The following RASGEF1C variants were observed in gnomAD, a reference collection of about 807,000 sequenced individuals.
RASGEF1C encodes the protein ras-GEF domain-containing family member 1C.
Under a neutral mutation model 58.1 loss-of-function variants are expected in RASGEF1C, and 27 were observed. That is an observed-to-expected ratio of 0.46 (90% confidence interval 0.34 to 0.64). The LOEUF is 0.64. Ranked by LOEUF, RASGEF1C falls within the 30% of genes least tolerant of loss-of-function variation. The pLI is 0.01. For missense variants in RASGEF1C, 502 were observed against 605.1 expected, an observed-to-expected ratio of 0.83 and a Z score of 1.79; for synonymous variants, 243 against 246.3, an observed-to-expected ratio of 0.99 and a Z score of 0.13.
intron 12 of RASGEF1C, among the ~76,000 whole-genome samples, chr5:180,107,459 A>C (rs770058673): frequency 2.6e-5 from 4 of 152,134 alleles, no homozygotes; most frequent in Non-Finnish European, 5.9e-5. Context: ...CTGGCTTGAC[A>C]GTTCTTTTGG....
At chr5:180,145,161 C>A (rs866974434) in intron 1 of RASGEF1C, among the ~76,000 whole-genome samples, 3 of 152,252 alleles carry the variant, frequency 2.0e-5, no homozygotes, top group Middle Eastern at 6.8e-3. Flanking sequence ...CACTCTGTCA[C>A]CCAGGCTGGA....
intron 3 of RASGEF1C, among the ~76,000 whole-genome samples, chr5:180,136,962 C>T (rs1766490580): frequency 6.6e-6 from 1 of 152,162 alleles, no homozygotes; most frequent in South Asian, 2.1e-4. Flanking sequence ...GAGGCTTCCA[C>T]GTGACCGGAA....
At position 180,116,497 on chromosome 5, in the gene RASGEF1C, TG is replaced by T. The variant is rs1288256251; in HGVS notation, c.1084-1957del. Among the ~76,000 whole-genome samples, 4 of 152,124 alleles carry T rather than the reference TG, an allele frequency of 2.6e-5. No individual in the cohort carries two copies. The East Asian group carries it at 7.8e-4, about 30-fold the overall frequency. ...CCCTCTCCATCCATAAAGCAGCTTT[TG>T]TGGGCCTAGCCCAAGACCCGCCTCT... On this transcript the variant is annotated intron_variant, in intron 10 of 13. Coordinates refer to ENST00000361132, the MANE Select transcript of RASGEF1C (RefSeq NM_175062.4).
chr5:180,124,819 C>T (rs558784926), intron 6 of RASGEF1C, among the ~76,000 whole-genome samples: 9 of 151,242 alleles, frequency 6.0e-5, no homozygotes, highest in Middle Eastern at 3.5e-3. Context: ...TGCAAAACTC[C>T]GTCTCAAACA....
chr5:180,162,493 G>T (rs1330271093), intron 1 of RASGEF1C, among the ~76,000 whole-genome samples: 1 of 152,244 alleles, frequency 6.6e-6, no homozygotes, highest in Non-Finnish European at 1.5e-5. Context: ...AGGCAGCCAT[G>T]TGGGGCAGAC....
chr5:180,148,188 A>G (rs377558610), intron 1 of RASGEF1C, among the ~76,000 whole-genome samples: 25 of 152,228 alleles, frequency 1.6e-4, no homozygotes, highest in Non-Finnish European at 3.5e-4. Flanking sequence ...TACTGTTTAC[A>G]TGGAGTATCT....
rs1451747958 is a variant in RASGEF1C, at chr5:180,118,678, G to A, written c.1014C>T (p.Phe338=). The A allele has an allele frequency of 6.2e-7, 1 of 1,614,082 alleles. No homozygotes were observed. The highest frequency in any genetic ancestry group is 8.5e-7 in the Non-Finnish European group (1 of 1,180,028). Residue 338 remains phenylalanine (F), a synonymous_variant, in exon 10 of 14, where the codon TTC becomes TTT. Transcript: ENST00000361132. ...LEHQMDPTGN[F]CNYRTALRGA... ...CGCGCAGGGCTGTCCTGTAGTTGCAGAAATTCCCCGTTGGGTCCATCTGGT... is the reference window on the plus strand; with the variant it reads ...CGCGCAGGGCTGTCCTGTAGTTGCAAAAATTCCCCGTTGGGTCCATCTGGT...
chr5:180,194,002 G>GTGTT (rs60364777), intron 1 of RASGEF1C, among the ~76,000 whole-genome samples: 52,352 of 148,606 alleles, frequency 0.35, 9,910 homozygotes, highest in South Asian at 0.45. Context: ...ATTCTGTATG[G>GTGTT]TGTTTGTTTG....
chr5:180,170,966 G>A (rs1172327514), intron 1 of RASGEF1C, among the ~76,000 whole-genome samples: 1 of 152,202 alleles, frequency 6.6e-6, no homozygotes, highest in Non-Finnish European at 1.5e-5. Flanking sequence ...AGGAGGGGCT[G>A]TCAGCGCTGC....
At chr5:180,175,943 A>G (rs1162008705) in intron 1 of RASGEF1C, among the ~76,000 whole-genome samples, 2 of 152,322 alleles carry the variant, frequency 1.3e-5, no homozygotes, top group South Asian at 2.1e-4. Context: ...AGCGGAGATC[A>G]CGCCACTGCA....
At position 180,193,217 on chromosome 5, in the gene RASGEF1C, G is replaced by A. The variant is rs1441834253; in HGVS notation, c.-7+15811C>T. 2.3e-4 allele frequency among the ~76,000 whole-genome samples: 28 copies of A among 121,854 alleles called. 2 individuals carry two copies. Among genetic ancestry groups the A allele is most frequent in the Admixed American group, 2.2e-3 (25 of 11,518 alleles). The allele number at this position is 121,854 out of a possible 152,430, so 79.9% of individuals were successfully genotyped here. On this transcript the variant is annotated intron_variant, in intron 1 of 13. Transcript: ENST00000361132. ...ACTACAGGTGCCCGCCACCGCACCCGGCTAATTTCTTGTATTTTTAGTAGA... is the reference window on the plus strand; with the variant it reads ...ACTACAGGTGCCCGCCACCGCACCCAGCTAATTTCTTGTATTTTTAGTAGA...
At chr5:180,114,347 G>C in intron 11 of RASGEF1C, 99 bp downstream of exon 11, 1 of 1,164,196 alleles carries the variant, frequency 8.6e-7, no homozygotes, top group Non-Finnish European at 1.2e-6. Flanking sequence ...TTCTGCCCCA[G>C]GGTCCCCCAT....
chr5:180,182,432 G>T (rs933624021), intron 1 of RASGEF1C, among the ~76,000 whole-genome samples: 1 of 152,156 alleles, frequency 6.6e-6, no homozygotes, highest in African/African-American at 2.4e-5. Context: ...AAGACCAAAA[G>T]AACTCAGCTT....
chr5:180,203,364 C>G (rs1191719027), intron 1 of RASGEF1C, among the ~76,000 whole-genome samples: 1 of 152,218 alleles, frequency 6.6e-6, no homozygotes, highest in Non-Finnish European at 1.5e-5. Context: ...GCTGGGGAAG[C>G]CCATGTGACA....
Position 180,102,005 on chromosome 5 carries a change from G to A in RASGEF1C, c.1376+66C>T, listed in dbSNP as rs917257521. The A allele has an allele frequency of 2.1e-4, 170 of 819,174 alleles. 1 individual carries two copies. The highest frequency in any genetic ancestry group is 1.5e-3 in the South Asian group (113 of 75,456). 50.7% of individuals were successfully genotyped at this position (819,174 alleles called of 1,614,324 possible). A position where few individuals can be genotyped will look rare whatever the true frequency, so the allele number is the denominator to read the frequency against. ...CAGTCCCCGGGTCCCACCTCGGCGC[G>A]AAGACTCACCTTAGAGCTTTCCATC... is the stretch of plus-strand genomic sequence containing the variant. On this transcript the variant is annotated intron_variant, in intron 13 of 13. Coordinates refer to ENST00000361132, the MANE Select transcript of RASGEF1C (RefSeq NM_175062.4).
At chr5:180,128,353 G>A in intron 5 of RASGEF1C, 57 bp downstream of exon 5, 2 of 1,472,784 alleles carry the variant, frequency 1.4e-6, no homozygotes, top group East Asian at 2.3e-5. Flanking sequence ...AGGGCACAGT[G>A]TATCTGTGTG....
rs899324249 is a variant in RASGEF1C, at chr5:180,156,322, C to T, written c.-6-18264G>A. Among the ~76,000 whole-genome samples, 4 of 152,186 alleles carry T rather than the reference C, an allele frequency of 2.6e-5. No individual in the cohort carries two copies. Among genetic ancestry groups the T allele is most frequent in the African/African-American group, 7.2e-5 (3 of 41,434 alleles). Reference sequence around the variant, plus strand: ...AGTCTCCAGGCTGTGGTCTGATTCCCGCTTCTCTGGGAGCTGACAAGGCCC... The same window carrying T: ...AGTCTCCAGGCTGTGGTCTGATTCCTGCTTCTCTGGGAGCTGACAAGGCCC... On this transcript the variant is annotated intron_variant, in intron 1 of 13. Coordinates refer to ENST00000361132, the MANE Select transcript of RASGEF1C (RefSeq NM_175062.4). The surrounding 1 kb of genome is among the most constrained non-coding windows in gnomAD (Gnocchi z 4.9).
intron 12 of RASGEF1C, among the ~76,000 whole-genome samples, chr5:180,109,227 C>T (rs1292699511): frequency 1.3e-5 from 2 of 152,056 alleles, no homozygotes; most frequent in African/African-American, 2.4e-5. Context: ...GAGGCTGAGG[C>T]GGGTGGATCA....
At chr5:180,110,409 T>TTTTTTTTG (rs398000106) in intron 12 of RASGEF1C, among the ~76,000 whole-genome samples, 1 of 150,294 alleles carries the variant, frequency 6.7e-6, no homozygotes, top group African/African-American at 2.5e-5. Context: ...TTTTTTTTTT[T>TTTTTTTTG]GGAGAAAGTA....
Sources: allele counts gnomAD v4.1 joint callset (sites outside exome capture counted in the v4.1 genomes callset), GRCh38; gene constraint gnomAD v4.1.1; non-coding constraint Gnocchi (gnomAD v3.1); transcripts MANE v1.5; gene names NCBI Gene and HGNC (gene_info 2026-07-23, HGNC 2026-07-21).